The following AVEN variants were observed in gnomAD, a reference collection of about 807,000 sequenced individuals.
The protein encoded by AVEN is cell death regulator Aven.
Under a neutral mutation model 38.1 loss-of-function variants are expected in AVEN, and 41 were observed. That is an observed-to-expected ratio of 1.08 (90% confidence interval 0.84 to 1.40). The LOEUF (loss-of-function observed/expected upper bound fraction) is 1.40. AVEN is among the 40% of genes most tolerant of loss of function. The pLI, the probability that AVEN is intolerant of heterozygous loss-of-function variation, is 0.00. For missense variants in AVEN, 605 were observed against 438.8 expected, an observed-to-expected ratio of 1.38 and a Z score of -3.38; for synonymous variants, 206 against 171.8, an observed-to-expected ratio of 1.20 and a Z score of -1.56.
intron 2 of AVEN, among the ~76,000 whole-genome samples, chr15:33,987,893 T>C (rs73385797): frequency 0.015 from 2,237 of 152,336 alleles, 70 homozygotes; most frequent in African/African-American, 0.052. Context: ...AACCAGGTCC[T>C]GCTGGGTCTG....
chr15:33,897,578 A>AT (rs1256306449), intron 2 of AVEN, among the ~76,000 whole-genome samples: 1 of 151,966 alleles, frequency 6.6e-6, no homozygotes, highest in Non-Finnish European at 1.5e-5. Context: ...CCATGAATTT[A>AT]TTTTTTTAAA....
chr15:34,028,129 T>C (rs1018500045), intron 1 of AVEN, among the ~76,000 whole-genome samples: 2 of 152,188 alleles, frequency 1.3e-5, no homozygotes, highest in African/African-American at 4.8e-5. Context: ...CTGGGAGACT[T>C]CATGCTTCAA....
intron 2 of AVEN, among the ~76,000 whole-genome samples, chr15:33,934,785 T>C (rs764791197): frequency 6.6e-6 from 1 of 152,190 alleles, no homozygotes; most frequent in African/African-American, 2.4e-5. Context: ...CAGAATCAGG[T>C]AGATATGTCT....
intron 2 of AVEN, among the ~76,000 whole-genome samples, chr15:33,939,846 C>T (rs995105115): frequency 2.6e-5 from 4 of 152,144 alleles, no homozygotes; most frequent in Non-Finnish European, 5.9e-5. Flanking sequence ...GGGAGAAGCC[C>T]TCATGAATGA....
chr15:33,866,511 T>G lies in AVEN; in HGVS notation c.*102A>C, dbSNP rs1325511428. On this transcript the variant is annotated 3_prime_UTR_variant, in exon 6 of 6. Transcript: ENST00000306730. ...TGTGAGCATAATGGAACACACTAGC[T>G]TGAGACATGCTTGTAAACTGGCTGG... is the stretch of plus-strand genomic sequence containing the variant. The G allele has an allele frequency of 1.3e-6, 1 of 796,876 alleles. No homozygotes were observed. Among genetic ancestry groups the G allele is most frequent in the East Asian group, 2.5e-5 (1 of 39,796 alleles). The allele number at this position is 796,876 out of a possible 1,614,324, so 49.4% of individuals were successfully genotyped here.
At chr15:33,963,103 A>C (rs6495403) in intron 2 of AVEN, among the ~76,000 whole-genome samples, 11,869 of 152,192 alleles carry the variant, frequency 0.078, 1,426 homozygotes, top group African/African-American at 0.26. Flanking sequence ...TATTGTGTAA[A>C]ATGGATGGCA....
chr15:33,906,804 G>GGATGAT (rs568526994), intron 2 of AVEN, among the ~76,000 whole-genome samples: 5 of 152,040 alleles, frequency 3.3e-5, no homozygotes, highest in Non-Finnish European at 1.5e-5. Flanking sequence ...CTCTGGATAT[G>GGATGAT]GATGATGATG....
chr15:33,961,305 A>G lies in AVEN; in HGVS notation c.445+41727T>C, dbSNP rs1037875814. ...ATTACAGGCGTGAGCCACCATGCCC[A>G]GCCATAAAATATATTTCATTTCTCA... On this transcript the variant is annotated intron_variant, in intron 2 of 5. Transcript: ENST00000306730. Among the ~76,000 whole-genome samples the G allele has an allele frequency of 9.9e-5, 15 of 152,264 alleles. No individual in the cohort carries two copies. In the East Asian group the frequency reaches 2.5e-3, roughly 25 times the overall value.
chr15:34,064,271 A>C lies in AVEN; in HGVS notation n.1127-839T>G, dbSNP rs778538576. The C allele has an allele frequency of 1.1e-5, 18 of 1,613,996 alleles. No homozygotes were observed. In the African/African-American group the frequency reaches 2.4e-4, roughly 22 times the overall value. On this transcript the variant is annotated intron_variant and non_coding_transcript_variant, in intron 4 of 11. Transcript: ENST00000675287. ...TTCTCTGCCGATGGAAAAAGAAAAA[A>C]GTGGAAGAGAAGTTGTACTGGCAGG...
At chr15:33,876,991 C>G (rs1891259983) in intron 2 of AVEN, among the ~76,000 whole-genome samples, 1 of 152,028 alleles carries the variant, frequency 6.6e-6, no homozygotes, top group Non-Finnish European at 1.5e-5. Context: ...AATTAGAATA[C>G]AGAAAAGAGT....
At chr15:34,031,839 C>T (rs1223424886) in intron 1 of AVEN, among the ~76,000 whole-genome samples, 1 of 152,170 alleles carries the variant, frequency 6.6e-6, no homozygotes, top group Non-Finnish European at 1.5e-5. Flanking sequence ...TATTTCTTTT[C>T]AGCATCCTCT....
intron 2 of AVEN, among the ~76,000 whole-genome samples, chr15:33,928,445 T>C (rs1267480265): frequency 6.6e-6 from 1 of 152,094 alleles, no homozygotes; most frequent in Non-Finnish European, 1.5e-5. Context: ...GCCCTGGAAG[T>C]ATCAGAGGTA....
At chr15:33,866,822 G>T in intron 5 of AVEN, 94 bp from the exon 6 acceptor site, 1 of 853,946 alleles carries the variant, frequency 1.2e-6, no homozygotes. Flanking sequence ...ACAACAAGGG[G>T]AAACATTCTC....
chr15:33,882,584 G>A (rs1452916191), intron 2 of AVEN, among the ~76,000 whole-genome samples: 1 of 150,268 alleles, frequency 6.7e-6, no homozygotes, highest in Non-Finnish European at 1.5e-5. Context: ...TAGAAATAAG[G>A]CTGGGTGTAC....
downstream of AVEN, chr15:33,857,712 T>C (rs890561969): frequency 6.3e-7 from 1 of 1,577,240 alleles, no homozygotes; most frequent in East Asian, 2.3e-5. Flanking sequence ...TTTCTTAGAG[T>C]CTCCTGTGAA....
chr15:33,927,141 G>A (rs1316954332), intron 2 of AVEN, among the ~76,000 whole-genome samples: 4 of 151,924 alleles, frequency 2.6e-5, no homozygotes, highest in Non-Finnish European at 5.9e-5. Flanking sequence ...TGTAGTCCCA[G>A]CTACTGGGGA....
intron 2 of AVEN, among the ~76,000 whole-genome samples, chr15:33,925,434 G>A (rs547361285): frequency 6.6e-6 from 1 of 152,196 alleles, no homozygotes; most frequent in Non-Finnish European, 1.5e-5. Context: ...CACTTTGGTT[G>A]AAGAAATGGG....
rs1039132726 is a variant in AVEN at position 34,020,731 on chromosome 15, A to G, written c.268-17522T>C. Among the ~76,000 whole-genome samples the G allele has an allele frequency of 6.6e-5, 10 of 152,334 alleles. No homozygotes were observed. In the East Asian group the frequency reaches 1.7e-3, roughly 26 times the overall value. On this transcript the variant is annotated intron_variant, in intron 1 of 5. Coordinates refer to ENST00000306730, the MANE Select transcript of AVEN (RefSeq NM_020371.3). ...GAATTACGACCTTACTCTCCTTGTC[A>G]TGAAAAGCTGTAAATGAAATTAGGC...
At chr15:33,899,649 G>C (rs572254665) in intron 2 of AVEN, among the ~76,000 whole-genome samples, 23 of 151,420 alleles carry the variant, frequency 1.5e-4, no homozygotes, top group African/African-American at 5.6e-4. Flanking sequence ...TTTATTTTTA[G>C]TAGAGACAGG....
Sources: gnomAD v4.1 joint callset for allele counts (sites outside exome capture counted in the v4.1 genomes callset) on GRCh38, gnomAD v4.1.1 for gene constraint, MANE v1.5 for transcripts, NCBI Gene and HGNC (gene_info 2026-07-23, HGNC 2026-07-21) for gene names.